The following AGTPBP1 variants were observed in gnomAD, a reference collection of about 807,000 sequenced individuals.
AGTPBP1 encodes ATP/GTP binding carboxypeptidase 1.
A neutral mutation model predicts 143.9 loss-of-function variants in AGTPBP1; 70 were observed. The ratio of observed to expected loss-of-function variants is 0.49; its 90% confidence interval spans 0.40 to 0.59. The LOEUF is 0.59. AGTPBP1 is among the 20% of genes least tolerant of loss of function. The pLI, the probability that AGTPBP1 is intolerant of heterozygous loss-of-function variation, is 0.00. For missense variants in AGTPBP1, 1,229 were observed against 1,464.5 expected (o/e 0.84, Z 2.62); for synonymous variants, 463 against 500.2 (o/e 0.93, Z 0.99).
intron 2 of AGTPBP1, among the ~76,000 whole-genome samples, chr9:85,710,557 CT>C (rs1837298530): frequency 6.6e-6 from 1 of 152,068 alleles, no homozygotes; most frequent in Admixed American, 6.6e-5. Flanking sequence ...CCTTTTCTAT[CT>C]ATCTCAATTT....
At chr9:85,707,981 G>A (rs887210175) in intron 2 of AGTPBP1, among the ~76,000 whole-genome samples, 1 of 152,064 alleles carries the variant, frequency 6.6e-6, no homozygotes, top group African/African-American at 2.4e-5. Flanking sequence ...GTTGATGGGT[G>A]TAACAAACCA....
chr9:85,692,815 T>A lies in AGTPBP1; in HGVS notation c.33-2A>T. ...ACGATCCTAGAATTATTGGTAAGGC[T>A]AAAAAGAACGTAGAATGTTAGGGCA... On this transcript the variant is annotated splice_acceptor_variant, in intron 2 of 25. Transcript: ENST00000357081. LOFTEE classifies it high-confidence loss of function. 1 of 1,612,800 alleles carries A rather than the reference T, an allele frequency of 6.2e-7. No homozygotes were observed. Among genetic ancestry groups the A allele is most frequent in the South Asian group, 1.1e-5 (1 of 90,810 alleles).
intron 1 of AGTPBP1, among the ~76,000 whole-genome samples, chr9:85,734,597 A>C (rs953549590): frequency 6.6e-6 from 1 of 152,242 alleles, no homozygotes; most frequent in Non-Finnish European, 1.5e-5. Context: ...AAAACAAAAC[A>C]AAAACACAAA....
Position 85,547,193 on chromosome 9 carries a change from C to G in AGTPBP1, c.3597G>C (p.Leu1199Phe), listed in dbSNP as rs1248783580. 2 of 1,613,682 alleles carry G rather than the reference C, an allele frequency of 1.2e-6. No homozygotes were observed. The highest frequency in any genetic ancestry group is 1.7e-6 in the Non-Finnish European group (2 of 1,179,822). Residue 1199 changes from leucine to phenylalanine, a missense_variant, in exon 26 of 26, where the codon TTG becomes TTC. Physicochemically the swap from Leu to Phe is conservative, Grantham distance 22. This residue lies in a region of AGTPBP1 where 486 missense variants were observed against 652.3 expected (regional missense o/e 0.75). Coordinates refer to ENST00000357081, the MANE Select transcript of AGTPBP1 (RefSeq NM_001330701.2). The stretch of plus-strand genomic sequence containing the variant: ...GTTCATAATCTCCTACATTTTCAGC[C>G]AACTCAATATCTAACTCATCATTAC... ...AESNDELDIE[L>F]AENVGDYEPS...
chr9:85,747,780 A>T, the AGTPBP1 span, among the ~76,000 whole-genome samples: 61 of 152,152 alleles, frequency 4.0e-4, no homozygotes, highest in African/African-American at 1.3e-3. Context: ...GCCATGAGGA[A>T]CTCCCATATT....
At chr9:85,758,183 G>C in the AGTPBP1 span, among the ~76,000 whole-genome samples, 2 of 152,122 alleles carry the variant, frequency 1.3e-5, no homozygotes, top group East Asian at 3.9e-4. Flanking sequence ...CACTATTAAA[G>C]ACAGAAAACA....
chr9:85,637,490 A>C (rs945184060), intron 13 of AGTPBP1, among the ~76,000 whole-genome samples: 1 of 152,232 alleles, frequency 6.6e-6, no homozygotes, highest in African/African-American at 2.4e-5. Context: ...ATAAGGAAAG[A>C]ACCACTGTTA....
intron 20 of AGTPBP1, among the ~76,000 whole-genome samples, chr9:85,589,301 G>A (rs1032691282): frequency 1.3e-5 from 2 of 152,046 alleles, no homozygotes; most frequent in African/African-American, 2.4e-5. Context: ...AACGACAGTG[G>A]TAGCAAAAGA....
At chr9:85,596,033 A>T (rs1250312831) in intron 18 of AGTPBP1, among the ~76,000 whole-genome samples, 2 of 152,224 alleles carry the variant, frequency 1.3e-5, no homozygotes, top group Admixed American at 1.3e-4. Context: ...GCCACTGCAA[A>T]TTATTACTCG....
intron 13 of AGTPBP1, among the ~76,000 whole-genome samples, chr9:85,640,304 A>G (rs181725143): frequency 1.1e-3 from 161 of 152,350 alleles, no homozygotes; most frequent in Middle Eastern, 3.4e-3. Context: ...TAAAAATGAC[A>G]AAGATAATCA....
chr9:85,684,916 G>A (rs1835398692), intron 3 of AGTPBP1, among the ~76,000 whole-genome samples: 1 of 151,648 alleles, frequency 6.6e-6, no homozygotes, highest in South Asian at 2.1e-4. Flanking sequence ...ATGAAAAGAT[G>A]GGAAAACACA....
chr9:85,781,049 G>A, the AGTPBP1 span, among the ~76,000 whole-genome samples: 6 of 152,290 alleles, frequency 3.9e-5, no homozygotes, highest in Non-Finnish European at 7.4e-5. Context: ...CCTGGGTGGC[G>A]GAGCTTACAG....
At chr9:85,700,437 T>C (rs545717326) in intron 2 of AGTPBP1, among the ~76,000 whole-genome samples, 8 of 152,230 alleles carry the variant, frequency 5.3e-5, no homozygotes, top group Admixed American at 2.0e-4. Flanking sequence ...CACCTGGAAA[T>C]GACAAATATC....
intron 5 of AGTPBP1, 25 bp from the exon 6 acceptor site, chr9:85,677,607 T>G: frequency 6.9e-7 from 1 of 1,457,238 alleles, no homozygotes; most frequent in Non-Finnish European, 9.2e-7. Context: ...AAAAAAAAAT[T>G]TAAACAACAA....
chr9:85,742,529 G>T (rs1487073084), upstream of AGTPBP1, among the ~76,000 whole-genome samples: 1 of 152,112 alleles, frequency 6.6e-6, no homozygotes, highest in Non-Finnish European at 1.5e-5. Context: ...CTACAATCGG[G>T]CTCCCAGAAA....
In AGTPBP1 at chr9:85,668,132, G is replaced by T. The variant is rs376698726; in HGVS notation, c.662+1353C>A. On this transcript the variant is annotated intron_variant, in intron 8 of 25. Transcript: ENST00000357081. ...ACAGAAAGAAAAATAAAATTAAAAT[G>T]ACAGATTTTTGATAGTACAACTGGG... 9.9e-5 allele frequency among the ~76,000 whole-genome samples: 15 copies of T among 152,124 alleles called. No individual in the cohort carries two copies. The East Asian group carries it at 1.5e-3, about 16-fold the overall frequency.
intron 25 of AGTPBP1, among the ~76,000 whole-genome samples, chr9:85,574,371 A>G (rs913143083): frequency 2.0e-5 from 3 of 149,128 alleles, no homozygotes; most frequent in Non-Finnish European, 4.5e-5. Flanking sequence ...AAAACCAGAA[A>G]CCCTTGTTCA....
the AGTPBP1 span, among the ~76,000 whole-genome samples, chr9:85,803,833 A>G: frequency 6.6e-6 from 1 of 152,224 alleles, no homozygotes; most frequent in Non-Finnish European, 1.5e-5. Flanking sequence ...TCTCTCAAGA[A>G]GTAGCTCCTT....
chr9:85,785,916 T>C, the AGTPBP1 span: 274 of 500,948 alleles, frequency 5.5e-4, no homozygotes, highest in African/African-American at 4.6e-3. Flanking sequence ...GCAAGATGCC[T>C]GTAAGTGAAA....
Sources: gnomAD v4.1 joint callset for allele counts (sites outside exome capture counted in the v4.1 genomes callset) on GRCh38, gnomAD v4.1.1 for gene constraint, gnomAD v4.1.1 regional missense constraint, MANE v1.5 for transcripts, NCBI Gene and HGNC (gene_info 2026-07-23, HGNC 2026-07-21) for gene names.